SRGAP2C: variants seen among roughly 807,000 people sequenced by gnomAD.
SRGAP2C encodes SLIT-ROBO Rho GTPase-activating protein 2C.
In SRGAP2C, 15 loss-of-function variants were observed where a neutral mutation model predicts 25.1. The observed-to-expected ratio is 0.60, with a 90% CI of 0.40 to 0.92. The LOEUF (loss-of-function observed/expected upper bound fraction) is 0.92, where lower values mean the gene tolerates loss of function less well. Among genes scored for constraint, SRGAP2C ranks in the 40% least tolerant of loss-of-function variants. SRGAP2C has a pLI of 0.00. For synonymous variants in SRGAP2C, 44 were observed against 96.6 expected (o/e 0.46, Z 3.19); for missense variants, 144 against 264.4 (o/e 0.54, Z 3.16).
At chr1:121,236,468 TG>T (rs1655962135) in intron 2 of SRGAP2C, among the ~76,000 whole-genome samples, 1 of 151,380 alleles carries the variant, frequency 6.6e-6, no homozygotes, top group Admixed American at 6.6e-5. Flanking sequence ...TTAGAATAGT[TG>T]TCCCAACTCA....
intron 2 of SRGAP2C, among the ~76,000 whole-genome samples, chr1:121,239,877 A>T (rs1404800372): frequency 1.3e-5 from 2 of 152,260 alleles, no homozygotes; most frequent in South Asian, 4.1e-4. Context: ...CCTGAATTAA[A>T]TGATCTAATT....
At chr1:121,309,454 G>T (rs1406533687) in intron 3 of SRGAP2C, among the ~76,000 whole-genome samples, 1 of 116,026 alleles carries the variant, frequency 8.6e-6, no homozygotes, top group Non-Finnish European at 1.8e-5. Context: ...TTAAGTTTTA[G>T]GGTACATGTG....
chr1:121,184,986 G>C lies in SRGAP2C; in HGVS notation c.-681G>C, dbSNP rs587604706. On this transcript the variant is annotated 5_prime_UTR_variant, in exon 1 of 10. Coordinates refer to ENST00000367123, the MANE Select transcript of SRGAP2C (RefSeq NM_001329984.2). Reference sequence around the variant, plus strand: ...CTCTACTTCCCGGCGGGGTCCTGCGGAGTTGGCGGAGGCGGCGGAGGCTCC... The same window carrying C: ...CTCTACTTCCCGGCGGGGTCCTGCGCAGTTGGCGGAGGCGGCGGAGGCTCC... 2.3e-5 allele frequency: 12 copies of C among 513,962 alleles called. 2 individuals are homozygous for C. The highest frequency in any genetic ancestry group is 2.3e-4 in the African/African-American group (11 of 48,636). The allele number at this position is 513,962 out of a possible 1,614,324, so 31.8% of individuals were successfully genotyped here. A position where few individuals can be genotyped will look rare whatever the true frequency, so the allele number is the denominator to read the frequency against.
chr1:121,211,091 C>T (rs1315542784), intron 2 of SRGAP2C, among the ~76,000 whole-genome samples: 1 of 148,470 alleles, frequency 6.7e-6, no homozygotes, highest in South Asian at 2.1e-4. Flanking sequence ...CTGCAGGATA[C>T]AGGATAGTGA....
intron 3 of SRGAP2C, among the ~76,000 whole-genome samples, chr1:121,306,052 G>A (rs1165300663): frequency 6.6e-6 from 1 of 152,188 alleles, no homozygotes; most frequent in Non-Finnish European, 1.5e-5. Context: ...TCTAGGACTA[G>A]GGACCTTATG....
At chr1:121,279,649 G>A (rs1367682707) in intron 2 of SRGAP2C, among the ~76,000 whole-genome samples, 2 of 147,168 alleles carry the variant, frequency 1.4e-5, no homozygotes, top group Non-Finnish European at 3.0e-5. Flanking sequence ...TAGTGTCTCA[G>A]CTGTGGCCAA....
chr1:121,362,675 G>A (rs1553348818), intron 4 of SRGAP2C: 3 of 151,956 alleles, frequency 2.0e-5, no homozygotes, highest in African/African-American at 7.3e-5. Context: ...AGGGCGGTGG[G>A]AAGTGATACT....
intron 4 of SRGAP2C, among the ~76,000 whole-genome samples, chr1:121,339,216 T>A (rs1434942438): frequency 1.3e-5 from 2 of 150,752 alleles, no homozygotes; most frequent in Non-Finnish European, 3.0e-5. Context: ...CCCATAGCTT[T>A]TTCATATATT....
intron 4 of SRGAP2C, among the ~76,000 whole-genome samples, chr1:121,350,394 CATT>C (rs1658870644): frequency 7.4e-6 from 1 of 135,502 alleles, no homozygotes; most frequent in South Asian, 2.4e-4. Flanking sequence ...CATCATTTTT[CATT>C]ATTATGTTTG....
At chr1:121,332,496 A>G (rs1658453368) in intron 4 of SRGAP2C, among the ~76,000 whole-genome samples, 1 of 151,650 alleles carries the variant, frequency 6.6e-6, no homozygotes, top group African/African-American at 2.4e-5. Context: ...TGGGGAATGC[A>G]AGAAGAGTGC....
At chr1:121,188,266 C>A (rs1553319255) in intron 2 of SRGAP2C, among the ~76,000 whole-genome samples, 6 of 152,152 alleles carry the variant, frequency 3.9e-5, no homozygotes, top group Non-Finnish European at 7.3e-5. Context: ...CTTTTAAAGC[C>A]CCATTTCCCT....
intron 4 of SRGAP2C, among the ~76,000 whole-genome samples, chr1:121,337,735 T>C (rs1313301299): frequency 2.0e-4 from 28 of 141,272 alleles, no homozygotes; most frequent in Admixed American, 7.2e-4. Flanking sequence ...TAGTAGTTTG[T>C]AAAAACGTAT....
At chr1:121,331,911 G>T (rs1291325995) in intron 4 of SRGAP2C, among the ~76,000 whole-genome samples, 2 of 152,014 alleles carry the variant, frequency 1.3e-5, no homozygotes, top group African/African-American at 4.8e-5. Flanking sequence ...TTGCCTTGGG[G>T]CCAGGATGGG....
intron 2 of SRGAP2C, among the ~76,000 whole-genome samples, chr1:121,256,289 C>CT (rs1381154203): frequency 1.3e-5 from 2 of 151,400 alleles, no homozygotes; most frequent in African/African-American, 4.8e-5. Context: ...TATTCCTGAG[C>CT]TTTGCTGGCA....
At chr1:121,338,992 G>T (rs1410886469) in intron 4 of SRGAP2C, among the ~76,000 whole-genome samples, 37 of 150,870 alleles carry the variant, frequency 2.5e-4, no homozygotes, top group Non-Finnish European at 4.6e-4. Flanking sequence ...ATAATAAAAA[G>T]AAAATAATAA....
intron 2 of SRGAP2C, among the ~76,000 whole-genome samples, chr1:121,221,973 G>A (rs1655536548): frequency 6.6e-6 from 1 of 152,086 alleles, no homozygotes; most frequent in African/African-American, 2.4e-5. Context: ...TTCACACCTA[G>A]GCCATATGTG....
At chr1:121,224,715 C>A (rs1193245032) in intron 2 of SRGAP2C, among the ~76,000 whole-genome samples, 1 of 147,790 alleles carries the variant, frequency 6.8e-6, no homozygotes, top group Non-Finnish European at 1.5e-5. Context: ...TGGAATTCTT[C>A]TAGGTAGTGC....
intron 2 of SRGAP2C, among the ~76,000 whole-genome samples, chr1:121,191,370 T>C (rs1553319730): frequency 6.6e-6 from 1 of 151,944 alleles, no homozygotes; most frequent in African/African-American, 2.4e-5. Flanking sequence ...TGTAAATAGT[T>C]GTTATACTGC....
At position 121,292,133 on chromosome 1, in the gene SRGAP2C, C is replaced by T. The variant is rs1364696305; in HGVS notation, c.260+7138C>T. Among the ~76,000 whole-genome samples the T allele has an allele frequency of 9.2e-5, 14 of 151,810 alleles. No homozygotes were observed. The East Asian group carries it at 9.7e-4, about 11-fold the overall frequency. ...TTGTCTTTAGTTCTGTTTGTTTTTC[C>T]GCCATTAAACTCATGGCCTGCCTGC... is the stretch of plus-strand genomic sequence containing the variant. On this transcript the variant is annotated intron_variant, in intron 3 of 9. Transcript: ENST00000367123.
Sources: gnomAD v4.1 joint callset for allele counts (sites outside exome capture counted in the v4.1 genomes callset) on GRCh38, gnomAD v4.1.1 for gene constraint, MANE v1.5 for transcripts, NCBI Gene and HGNC (gene_info 2026-07-23, HGNC 2026-07-21) for gene names.